Variants in ANGPT1 observed in about 807,000 individuals in gnomAD.
ANGPT1 encodes the protein angiopoietin 1.
ANGPT1 carries 17 observed loss-of-function variants against 62.2 expected under a neutral mutation model. That is an observed-to-expected ratio of 0.27 (90% CI 0.19 to 0.41). The LOEUF (loss-of-function observed/expected upper bound fraction) is 0.41. Ranked by LOEUF, ANGPT1 falls within the 10% of genes least tolerant of loss-of-function variation. The pLI, the probability that ANGPT1 is intolerant of heterozygous loss-of-function variation, is 1.00. For missense variants in ANGPT1, 478 were observed against 594.9 expected (o/e 0.80, Z 2.04); for synonymous variants, 199 against 198.9 (o/e 1.00, Z 0.00).
chr8:107,258,118 T>C (rs1238814624), intron 8 of ANGPT1, among the ~76,000 whole-genome samples: 1 of 151,920 alleles, frequency 6.6e-6, no homozygotes, highest in Non-Finnish European at 1.5e-5. Context: ...CTTTTAACCA[T>C]GTTTAAATGA....
In ANGPT1 at chr8:107,361,742, G is replaced by A. The variant is rs116706531; in HGVS notation, c.298-14645C>T. ...GCCATATCTTATTAAGTATGTATAA[G>A]AACACGGAATGGTAGTTTAAATGTC... On this transcript the variant is annotated intron_variant, in intron 1 of 8. Coordinates refer to ENST00000517746, the MANE Select transcript of ANGPT1 (RefSeq NM_001146.5). Among the ~76,000 whole-genome samples, 582 of 151,836 alleles carry A rather than the reference G, an allele frequency of 3.8e-3. 6 individuals are homozygous for A. The highest frequency in any genetic ancestry group is 0.014 in the African/African-American group (560 of 41,430).
At chr8:107,395,667 C>G (rs1279830814) in intron 1 of ANGPT1, among the ~76,000 whole-genome samples, 1 of 152,142 alleles carries the variant, frequency 6.6e-6, no homozygotes, top group African/African-American at 2.4e-5. Flanking sequence ...TATGTTGTCA[C>G]TTCTATATGT....
chr8:107,256,818 A>G (rs892589580), intron 8 of ANGPT1, among the ~76,000 whole-genome samples: 1 of 151,946 alleles, frequency 6.6e-6, no homozygotes, highest in Admixed American at 6.6e-5. Flanking sequence ...AAATGTCTCA[A>G]ATGTTTTTTT....
intron 8 of ANGPT1, among the ~76,000 whole-genome samples, chr8:107,261,869 A>T (rs1019504407): frequency 2.6e-5 from 4 of 151,834 alleles, no homozygotes; most frequent in Non-Finnish European, 5.9e-5. Context: ...ATAGTAATAG[A>T]GGGGTTGGGG....
At chr8:107,412,787 T>G (rs1274721584) in intron 1 of ANGPT1, among the ~76,000 whole-genome samples, 3 of 152,166 alleles carry the variant, frequency 2.0e-5, no homozygotes, top group Non-Finnish European at 4.4e-5. Context: ...TCACTTTGCC[T>G]AAGAGTCAAG....
intron 8 of ANGPT1, among the ~76,000 whole-genome samples, chr8:107,262,234 T>C (rs1362833349): frequency 6.6e-6 from 1 of 152,178 alleles, no homozygotes; most frequent in Non-Finnish European, 1.5e-5. Flanking sequence ...CTTTCACCTA[T>C]ACTCTACCAA....
chr8:107,416,109 G>A (rs2130366917), intron 1 of ANGPT1, among the ~76,000 whole-genome samples: 1 of 152,216 alleles, frequency 6.6e-6, no homozygotes, highest in Non-Finnish European at 1.5e-5. Flanking sequence ...CAATTCTGCA[G>A]GGGAAATCAG....
intron 1 of ANGPT1, among the ~76,000 whole-genome samples, chr8:107,474,691 T>C (rs1384228534): frequency 6.6e-6 from 1 of 152,186 alleles, no homozygotes; most frequent in Non-Finnish European, 1.5e-5. Context: ...AACCCCATTG[T>C]CTCAGCCCAA....
chr8:107,274,497 T>C (rs936114330), intron 7 of ANGPT1, among the ~76,000 whole-genome samples: 3 of 152,170 alleles, frequency 2.0e-5, no homozygotes, highest in South Asian at 2.1e-4. Flanking sequence ...ACAAGCAATA[T>C]AGAAATTCTT....
Position 107,294,139 on chromosome 8 carries a change from T to C in ANGPT1, c.937-102A>G, listed in dbSNP as rs10110459. On this transcript the variant is annotated intron_variant, in intron 5 of 8. Transcript: ENST00000517746. The stretch of plus-strand genomic sequence containing the variant: ...GAATAAGGCGAACAGGTCTGCAGAT[T>C]ACAAAAACCGAAATTACTATATTGA... 20,341 of 767,130 alleles carry C rather than the reference T, an allele frequency of 0.027. 486 individuals are homozygous for C. Among genetic ancestry groups the C allele is most frequent in the African/African-American group, 0.096 (5,332 of 55,686 alleles). 47.5% of individuals were successfully genotyped at this position (767,130 alleles called of 1,614,324 possible).
At chr8:107,465,428 T>C (rs988921923) in intron 1 of ANGPT1, among the ~76,000 whole-genome samples, 2 of 152,142 alleles carry the variant, frequency 1.3e-5, no homozygotes, top group African/African-American at 4.8e-5. Flanking sequence ...ACCAATTGAA[T>C]TGGACTAATT....
intron 1 of ANGPT1, among the ~76,000 whole-genome samples, chr8:107,395,183 A>C (rs1394043650): frequency 6.6e-6 from 1 of 152,154 alleles, no homozygotes; most frequent in African/African-American, 2.4e-5. Context: ...GAGTACTTAC[A>C]AACTCTTACC....
At chr8:107,375,506 A>G (rs1398166201) in intron 1 of ANGPT1, among the ~76,000 whole-genome samples, 1 of 152,188 alleles carries the variant, frequency 6.6e-6, no homozygotes, top group African/African-American at 2.4e-5. Context: ...GCTGAAGTGT[A>G]AGAAGGCCAG....
At chr8:107,436,270 C>T (rs1422139062) in intron 1 of ANGPT1, among the ~76,000 whole-genome samples, 1 of 152,296 alleles carries the variant, frequency 6.6e-6, no homozygotes, top group Admixed American at 6.5e-5. Context: ...TTCAAGGCCA[C>T]ACAGTATTCA....
chr8:107,409,568 C>G (rs1189388611), intron 1 of ANGPT1, among the ~76,000 whole-genome samples: 4 of 152,098 alleles, frequency 2.6e-5, no homozygotes, highest in Non-Finnish European at 2.9e-5. Flanking sequence ...AGTTTTCTCC[C>G]CATCAAAAGT....
At chr8:107,282,027 G>C (rs1814018751) in intron 7 of ANGPT1, among the ~76,000 whole-genome samples, 1 of 151,470 alleles carries the variant, frequency 6.6e-6, no homozygotes, top group Non-Finnish European at 1.5e-5. Context: ...TAGAGAAGCA[G>C]TACTGGGCAT....
chr8:107,415,760 A>G (rs1461715451), intron 1 of ANGPT1, among the ~76,000 whole-genome samples: 1 of 152,172 alleles, frequency 6.6e-6, no homozygotes, highest in East Asian at 1.9e-4. Flanking sequence ...ATGTGGCATC[A>G]ATAATCCAGC....
At chr8:107,387,596 G>GTACTATTTA (rs1767661166) in intron 1 of ANGPT1, among the ~76,000 whole-genome samples, 1 of 151,686 alleles carries the variant, frequency 6.6e-6, no homozygotes. Flanking sequence ...TAGTACGATC[G>GTACTATTTA]TACTATTTAT....
chr8:107,474,003 G>C (rs1325871384), intron 1 of ANGPT1, among the ~76,000 whole-genome samples: 1 of 152,072 alleles, frequency 6.6e-6, no homozygotes, highest in African/African-American at 2.4e-5. Flanking sequence ...AATTCTACCA[G>C]AGGTACAAGG....
Sources: allele counts gnomAD v4.1 joint callset (sites outside exome capture counted in the v4.1 genomes callset), GRCh38; gene constraint gnomAD v4.1.1; transcripts MANE v1.5; gene names NCBI Gene and HGNC (gene_info 2026-07-23, HGNC 2026-07-21).